Variants in CAMTA1 observed in about 807,000 individuals in gnomAD.
CAMTA1 encodes calmodulin binding transcription activator 1.
A neutral mutation model predicts 170.9 loss-of-function variants in CAMTA1; 27 were observed. The observed-to-expected ratio is 0.16, with a 90% CI of 0.12 to 0.22. The LOEUF (loss-of-function observed/expected upper bound fraction) is 0.22, where lower values mean the gene tolerates loss of function less well. Among genes scored for constraint, CAMTA1 ranks in the 10% least tolerant of loss-of-function variants. The pLI, the probability that CAMTA1 is intolerant of heterozygous loss-of-function variation, is 1.00. For missense variants in CAMTA1, 1,619 were observed against 2,217.2 expected (o/e 0.73, Z 5.42); for synonymous variants, 833 against 891.5 (o/e 0.93, Z 1.17).
chr1:7,694,467 T>A (rs926468261), intron 11 of CAMTA1: 3 of 152,358 alleles, frequency 2.0e-5, no homozygotes, highest in Admixed American at 6.5e-5. Context: ...AGCCTTTGAC[T>A]GCTAAGGTCA....
At chr1:7,236,068 G>T (rs1470585898) in intron 4 of CAMTA1, among the ~76,000 whole-genome samples, 1 of 152,160 alleles carries the variant, frequency 6.6e-6, no homozygotes, top group African/African-American at 2.4e-5. Flanking sequence ...TGCGGGGTGT[G>T]GGGGAGGACA....
chr1:6,972,341 G>A (rs1480115437), intron 3 of CAMTA1, among the ~76,000 whole-genome samples: 2 of 152,162 alleles, frequency 1.3e-5, no homozygotes, highest in Non-Finnish European at 2.9e-5. Flanking sequence ...AAAAACCTCC[G>A]TTAAGACATT....
intron 7 of CAMTA1, among the ~76,000 whole-genome samples, chr1:7,645,321 G>T (rs759879014): frequency 2.0e-5 from 3 of 152,246 alleles, no homozygotes; most frequent in African/African-American, 4.8e-5. Flanking sequence ...CAGAAAGCCA[G>T]ATGGAACCGT....
intron 3 of CAMTA1, among the ~76,000 whole-genome samples, chr1:6,866,795 A>C (rs1188276519): frequency 6.6e-6 from 1 of 152,238 alleles, no homozygotes; most frequent in Non-Finnish European, 1.5e-5. Flanking sequence ...GTTTGTGGCT[A>C]ATTTGAAAAT....
rs1199416301 is a variant in CAMTA1 at position 7,325,589 on chromosome 1, T to C, written c.438+75963T>C. 1.3e-5 allele frequency among the ~76,000 whole-genome samples: 2 copies of C among 152,222 alleles called. No individual in the cohort carries two copies. The highest frequency in any genetic ancestry group is 4.8e-5 in the African/African-American group (2 of 41,468). ...GGATGGGGAGAAAGGGGTCTTGGAC[T>C]TGGCACAGATTTCCTAATGGAACAG... is the stretch of plus-strand genomic sequence containing the variant. On this transcript the variant is annotated intron_variant, in intron 5 of 22. Coordinates refer to ENST00000303635, the MANE Select transcript of CAMTA1 (RefSeq NM_015215.4). This position sits in a 1 kb window ranked among gnomAD's most constrained non-coding sequence, Gnocchi z 5.0.
intron 4 of CAMTA1, among the ~76,000 whole-genome samples, chr1:7,108,966 G>A (rs1012512441): frequency 6.6e-6 from 1 of 152,138 alleles, no homozygotes; most frequent in African/African-American, 2.4e-5. Flanking sequence ...CATGCATTGT[G>A]GGAGGATTCA....
intron 5 of CAMTA1, among the ~76,000 whole-genome samples, chr1:7,398,154 G>GCTCTCTCTCTCT (rs371668581): frequency 8.0e-4 from 21 of 26,266 alleles, no homozygotes; most frequent in East Asian, 1.5e-3. Context: ...TAATAATATT[G>GCTCTCTCTCTCT]CTCTCTCTCT....
chr1:7,752,002 G>C (rs1027793385), intron 20 of CAMTA1, among the ~76,000 whole-genome samples: 2 of 152,116 alleles, frequency 1.3e-5, no homozygotes, highest in African/African-American at 4.8e-5. Context: ...GGGTTAAGCT[G>C]TTCCATTTTA....
intron 5 of CAMTA1, among the ~76,000 whole-genome samples, chr1:7,461,092 G>A (rs1166841644): frequency 6.6e-6 from 1 of 152,196 alleles, no homozygotes; most frequent in East Asian, 1.9e-4. Context: ...CGCCCCCGCG[G>A]GTATTATCCT....
At chr1:7,705,923 GC>G (rs1190180649) in intron 11 of CAMTA1, among the ~76,000 whole-genome samples, 1 of 152,186 alleles carries the variant, frequency 6.6e-6, no homozygotes, top group African/African-American at 2.4e-5. Context: ...GCTCGGGGTG[GC>G]CCTTTTGCAT....
intron 3 of CAMTA1, among the ~76,000 whole-genome samples, chr1:6,882,987 C>A (rs1052530619): frequency 6.6e-6 from 1 of 152,144 alleles, no homozygotes; most frequent in Non-Finnish European, 1.5e-5. Context: ...ATTTCCACTT[C>A]CCGGGTTCAA....
At chr1:7,623,594 G>A (rs1177056634) in intron 6 of CAMTA1, among the ~76,000 whole-genome samples, 1 of 152,242 alleles carries the variant, frequency 6.6e-6, no homozygotes, top group Non-Finnish European at 1.5e-5. Flanking sequence ...TGCCTCCTGG[G>A]TTCAAGGGAT....
At position 7,457,059 on chromosome 1, in the gene CAMTA1, CCGTGCCCCTCACCCGCCCCCTGCGCCAA is replaced by C. The variant is rs1329206827; in HGVS notation, c.439-10756_439-10729del. Among the ~76,000 whole-genome samples the C allele has an allele frequency of 1.2e-3, 106 of 88,302 alleles. 1 individual carries two copies. Among genetic ancestry groups the C allele is most frequent in the South Asian group, 9.0e-3 (25 of 2,772 alleles). The allele number at this position is 88,302 out of a possible 152,430, so 57.9% of individuals were successfully genotyped here. On this transcript the variant is annotated intron_variant, in intron 5 of 22. Transcript: ENST00000303635. The stretch of plus-strand genomic sequence containing the variant: ...CTCACCCGCCCCGCCCCCTGCGCCG[CCGTGCCCCTCACCCGCCCCCTGCGCCAA>C]CGTGCCCCTCACCCACCCCTGGCCT...
At chr1:7,424,167 G>A (rs2091745854) in intron 5 of CAMTA1, among the ~76,000 whole-genome samples, 1 of 152,140 alleles carries the variant, frequency 6.6e-6, no homozygotes, top group South Asian at 2.1e-4. Flanking sequence ...CCTACCTTCA[G>A]GGAGGCTGCC....
At chr1:6,795,417 C>T (rs1027826808) in intron 1 of CAMTA1, among the ~76,000 whole-genome samples, 2 of 151,906 alleles carry the variant, frequency 1.3e-5, no homozygotes, top group Admixed American at 6.6e-5. Context: ...TGGTCTTGAA[C>T]TCCTGGTCTC....
intron 4 of CAMTA1, among the ~76,000 whole-genome samples, chr1:7,240,357 G>C (rs1162375954): frequency 1.3e-5 from 2 of 151,922 alleles, no homozygotes; most frequent in East Asian, 3.9e-4. Context: ...AATGTATTGG[G>C]TCACTAGCAT....
intron 11 of CAMTA1, among the ~76,000 whole-genome samples, chr1:7,702,859 AC>A (rs1189289232): frequency 6.6e-6 from 1 of 151,946 alleles, no homozygotes; most frequent in Non-Finnish European, 1.5e-5. Flanking sequence ...GCCCCCAAGT[AC>A]CCCGTTTTGG....
intron 5 of CAMTA1, among the ~76,000 whole-genome samples, chr1:7,319,480 G>C (rs987635768): frequency 6.6e-6 from 1 of 152,144 alleles, no homozygotes; most frequent in African/African-American, 2.4e-5. Context: ...ATGATTGTAA[G>C]TTCCCTGAGG....
rs555426472 is a variant in CAMTA1, at chr1:7,287,197, C to T, written c.438+37571C>T. Among the ~76,000 whole-genome samples the T allele has an allele frequency of 2.0e-4, 30 of 152,194 alleles. No individual in the cohort carries two copies. The South Asian group carries it at 5.4e-3, about 27-fold the overall frequency. On this transcript the variant is annotated intron_variant, in intron 5 of 22. Coordinates refer to ENST00000303635, the MANE Select transcript of CAMTA1 (RefSeq NM_015215.4). ...TGCTACCGAGAGGGATTTCAGCAGGCGGGGCAGTGTGACCTCAGTGAGCAG... is the reference window on the plus strand; with the variant it reads ...TGCTACCGAGAGGGATTTCAGCAGGTGGGGCAGTGTGACCTCAGTGAGCAG...
Sources: gnomAD v4.1 joint callset for allele counts (sites outside exome capture counted in the v4.1 genomes callset) on GRCh38, gnomAD v4.1.1 for gene constraint, Gnocchi (gnomAD v3.1) non-coding constraint, MANE v1.5 for transcripts, NCBI Gene and HGNC (gene_info 2026-07-23, HGNC 2026-07-21) for gene names.